Variants in DGKB observed in about 807,000 individuals in gnomAD.
DGKB encodes the protein 90 kDa diacylglycerol kinase.
DGKB carries 67 observed loss-of-function variants against 114.3 expected under a neutral mutation model. The ratio of observed to expected loss-of-function variants is 0.59; its 90% CI spans 0.48 to 0.72. The LOEUF (loss-of-function observed/expected upper bound fraction) is 0.72. Ranked by LOEUF, DGKB falls within the 30% of genes least tolerant of loss-of-function variation. The pLI is 0.00. For synonymous variants in DGKB, 398 were observed against 323.1 expected (o/e 1.23, Z -2.49); for missense variants, 907 against 975.2 (o/e 0.93, Z 0.93).
At chr7:14,753,883 T>C in intron 4 of DGKB, 45 bp downstream of exon 4, 1 of 1,182,536 alleles carries the variant, frequency 8.5e-7, no homozygotes, top group African/African-American at 1.5e-5. Context: ...CATATCAGAA[T>C]AAAGAAAGAA....
rs150953107 is a variant in DGKB, at chr7:14,390,857, G to A, written c.1836-45466C>T. On this transcript the variant is annotated intron_variant, in intron 21 of 25. Transcript: ENST00000402815. ...CAATAGAATTTAGAAGGTAGAATAT[G>A]TATGCAACATATACTCATTTAGGAA... is the stretch of plus-strand genomic sequence containing the variant. Among the ~76,000 whole-genome samples, 31 of 152,256 alleles carry A rather than the reference G, an allele frequency of 2.0e-4. 1 individual carries two copies. In the East Asian group the frequency reaches 6.0e-3, roughly 29 times the overall value.
At chr7:14,620,526 T>C (rs1807417359) in intron 15 of DGKB, among the ~76,000 whole-genome samples, 1 of 151,724 alleles carries the variant, frequency 6.6e-6, no homozygotes, top group Non-Finnish European at 1.5e-5. Context: ...AATGCAAGTG[T>C]GTGACATACT....
chr7:14,274,685 T>TC, intron 23 of DGKB, among the ~76,000 whole-genome samples: 1 of 152,218 alleles, frequency 6.6e-6, no homozygotes, highest in South Asian at 2.1e-4. Context: ...GTATCTGGTA[T>TC]TTGGTATCTG....
At chr7:14,337,976 C>G (rs1365891936) in intron 23 of DGKB, among the ~76,000 whole-genome samples, 6 of 152,078 alleles carry the variant, frequency 3.9e-5, no homozygotes, top group African/African-American at 9.7e-5. Context: ...TTTCCCAGGT[C>G]TCCTACTTGT....
At chr7:14,691,464 A>C (rs1822851066) in intron 9 of DGKB, among the ~76,000 whole-genome samples, 1 of 152,230 alleles carries the variant, frequency 6.6e-6, no homozygotes, top group East Asian at 1.9e-4. Context: ...GTAATAATGT[A>C]ACACATTAAC....
At chr7:14,165,764 T>G (rs902476731) in intron 25 of DGKB, among the ~76,000 whole-genome samples, 3 of 152,184 alleles carry the variant, frequency 2.0e-5, no homozygotes, top group Non-Finnish European at 4.4e-5. Flanking sequence ...AAACAATCTC[T>G]TCTTACAATG....
At chr7:14,883,182 T>A (rs1417600931) in intron 1 of DGKB, among the ~76,000 whole-genome samples, 1 of 152,010 alleles carries the variant, frequency 6.6e-6, no homozygotes, top group East Asian at 1.9e-4. Flanking sequence ...TCCTCCTTTG[T>A]TGTCTTTGCC....
At chr7:14,791,559 T>C (rs1840669949) in intron 2 of DGKB, among the ~76,000 whole-genome samples, 1 of 152,180 alleles carries the variant, frequency 6.6e-6, no homozygotes, top group South Asian at 2.1e-4. Context: ...ATTGTATAGA[T>C]GCTCTTTGTC....
intron 20 of DGKB, among the ~76,000 whole-genome samples, chr7:14,506,959 G>C (rs13438642): frequency 0.37 from 56,821 of 151,916 alleles, 11,006 homozygotes; most frequent in Admixed American, 0.47. Flanking sequence ...TCTATTCCAT[G>C]TGCAGGCTGG....
At chr7:14,526,697 G>A (rs1265586484) in intron 20 of DGKB, among the ~76,000 whole-genome samples, 1 of 152,084 alleles carries the variant, frequency 6.6e-6, no homozygotes, top group African/African-American at 2.4e-5. Context: ...GGACATGATA[G>A]GATATCAAAC....
intron 21 of DGKB, among the ~76,000 whole-genome samples, chr7:14,430,633 A>G (rs1828312954): frequency 6.6e-6 from 1 of 152,192 alleles, no homozygotes; most frequent in Non-Finnish European, 1.5e-5. Context: ...TAAGATGCCA[A>G]TAAAGTTTCA....
intron 21 of DGKB, among the ~76,000 whole-genome samples, chr7:14,454,860 A>C (rs917817212): frequency 1.3e-5 from 2 of 152,064 alleles, no homozygotes; most frequent in African/African-American, 4.8e-5. Context: ...ATTCAATTTA[A>C]TTTAATAGTA....
At chr7:14,345,531 T>C (rs985910713) in intron 21 of DGKB, 140 bp from the exon 22 acceptor site, 31 of 542,194 alleles carry the variant, frequency 5.7e-5, no homozygotes, top group Admixed American at 1.4e-4. Context: ...GATGGTCATA[T>C]AATTTTCAAA....
chr7:14,479,892 AG>A (rs1782734520), intron 20 of DGKB, among the ~76,000 whole-genome samples: 2 of 152,124 alleles, frequency 1.3e-5, no homozygotes. Context: ...TCAGCAGACT[AG>A]TTAAACAAAG....
chr7:14,457,014 C>T (rs1832383772), intron 21 of DGKB, among the ~76,000 whole-genome samples: 1 of 152,104 alleles, frequency 6.6e-6, no homozygotes, highest in Non-Finnish European at 1.5e-5. Flanking sequence ...TACACTTTCA[C>T]TGTGCTGAAT....
intron 15 of DGKB, among the ~76,000 whole-genome samples, chr7:14,620,637 C>A (rs145183581): frequency 6.6e-6 from 1 of 151,562 alleles, no homozygotes; most frequent in Non-Finnish European, 1.5e-5. Context: ...ATACTTAAAT[C>A]CACAATTTCA....
Position 14,456,741 on chromosome 7 carries a change from A to G in DGKB, c.1835+21420T>C, listed in dbSNP as rs911999822. 6.6e-5 allele frequency among the ~76,000 whole-genome samples: 10 copies of G among 152,242 alleles called. No individual in the cohort carries two copies. In the South Asian group the frequency reaches 1.0e-3, roughly 16 times the overall value. On this transcript the variant is annotated intron_variant, in intron 21 of 25. Coordinates refer to ENST00000402815, the MANE Select transcript of DGKB (RefSeq NM_001350709.2). ...ATTTGTAATTGTTTCAAGTTTATAT[A>G]AAGAATTAAATATATTTTAACAAGC...
chr7:14,796,960 TC>T (rs1841497984), intron 2 of DGKB, among the ~76,000 whole-genome samples: 1 of 152,240 alleles, frequency 6.6e-6, no homozygotes, highest in Admixed American at 6.5e-5. Flanking sequence ...TACTCACTTT[TC>T]TTTAATTAAT....
intron 13 of DGKB, among the ~76,000 whole-genome samples, chr7:14,658,765 C>T (rs28626674): frequency 0.49 from 73,406 of 151,266 alleles, 19,244 homozygotes; most frequent in Non-Finnish European, 0.59. Flanking sequence ...TTAAAAATTA[C>T]GTTTATAAAA....
Sources: gnomAD v4.1 joint callset for allele counts (sites outside exome capture counted in the v4.1 genomes callset) on GRCh38, gnomAD v4.1.1 for gene constraint, MANE v1.5 for transcripts, NCBI Gene and HGNC (gene_info 2026-07-23, HGNC 2026-07-21) for gene names.